The following RAB28 variants were observed in gnomAD, a reference collection of about 807,000 sequenced individuals.
RAB28 encodes RAB28, member RAS oncogene family.
RAB28 carries 24 observed loss-of-function variants against 31.7 expected under a neutral mutation model. The observed-to-expected ratio is 0.76, with a 90% CI of 0.55 to 1.06. The LOEUF (loss-of-function observed/expected upper bound fraction) is 1.06. Ranked by LOEUF, RAB28 falls within the 50% of genes least tolerant of loss-of-function variation. The pLI, the probability that RAB28 is intolerant of heterozygous loss-of-function variation, is 0.00. For missense variants in RAB28, 254 were observed against 258.5 expected (o/e 0.98, Z 0.12); for synonymous variants, 100 against 90.4 (o/e 1.11, Z -0.60).
intron 4 of RAB28, among the ~76,000 whole-genome samples, chr4:13,453,507 T>C (rs893384003): frequency 1.3e-5 from 2 of 152,134 alleles, no homozygotes; most frequent in Non-Finnish European, 2.9e-5. Flanking sequence ...GATGTAAGAG[T>C]ACCTTGAACA....
At chr4:13,449,557 C>T (rs192857995) in intron 4 of RAB28, among the ~76,000 whole-genome samples, 126 of 152,024 alleles carry the variant, frequency 8.3e-4, no homozygotes, top group African/African-American at 2.8e-3. Context: ...TAAAACATCA[C>T]TTCCTGGGCA....
intron 4 of RAB28, among the ~76,000 whole-genome samples, chr4:13,429,155 C>T (rs1244864340): frequency 6.6e-6 from 1 of 151,942 alleles, no homozygotes; most frequent in Non-Finnish European, 1.5e-5. Context: ...CCATGTTGGC[C>T]AGGCTGGTCT....
chr4:13,376,296 A>G (rs2108877988), intron 6 of RAB28, among the ~76,000 whole-genome samples: 1 of 152,296 alleles, frequency 6.6e-6, no homozygotes, highest in South Asian at 2.1e-4. Context: ...CCACTAATAA[A>G]AATTTTCTTA....
At chr4:13,406,309 T>C (rs1377140552) in intron 4 of RAB28, among the ~76,000 whole-genome samples, 1 of 152,212 alleles carries the variant, frequency 6.6e-6, no homozygotes, top group African/African-American at 2.4e-5. Flanking sequence ...GCTTCATCCA[T>C]GTCCCTGCAA....
chr4:13,394,658 G>A (rs1004975678), intron 4 of RAB28, among the ~76,000 whole-genome samples: 4 of 152,146 alleles, frequency 2.6e-5, no homozygotes, highest in African/African-American at 9.7e-5. Flanking sequence ...AAAAGACGGA[G>A]TACAATTGAG....
At chr4:13,394,982 G>C (rs1020411930) in intron 4 of RAB28, among the ~76,000 whole-genome samples, 3 of 152,032 alleles carry the variant, frequency 2.0e-5, no homozygotes, top group Non-Finnish European at 4.4e-5. Flanking sequence ...AAAAACTGAG[G>C]TTTAGAATGA....
chr4:13,378,736 C>G (rs1283700084), intron 5 of RAB28, among the ~76,000 whole-genome samples: 1 of 152,056 alleles, frequency 6.6e-6, no homozygotes, highest in Non-Finnish European at 1.5e-5. Flanking sequence ...ATAGTAACCA[C>G]AGAGAAGACA....
chr4:13,403,182 T>G (rs1197473459), intron 4 of RAB28, among the ~76,000 whole-genome samples: 1 of 152,198 alleles, frequency 6.6e-6, no homozygotes, highest in Non-Finnish European at 1.5e-5. Context: ...CAGATAAGTG[T>G]GGCTCTATTC....
At chr4:13,371,716 G>T in intron 6 of RAB28, 1 of 1,533,360 alleles carries the variant, frequency 6.5e-7, no homozygotes. Flanking sequence ...CTTCATGGTA[G>T]GTGGTTTCAC....
At chr4:13,417,811 T>C (rs926420016) in intron 4 of RAB28, among the ~76,000 whole-genome samples, 3 of 152,122 alleles carry the variant, frequency 2.0e-5, no homozygotes, top group Non-Finnish European at 2.9e-5. Context: ...GGAGAAAAGC[T>C]GAAAATTCTA....
chr4:13,407,598 C>T (rs987790833), intron 4 of RAB28, among the ~76,000 whole-genome samples: 4 of 152,086 alleles, frequency 2.6e-5, no homozygotes, highest in Admixed American at 6.6e-5. Context: ...TCACTTTGGG[C>T]GATATGGCCA....
At chr4:13,435,057 A>G (rs548243165) in intron 4 of RAB28, among the ~76,000 whole-genome samples, 1 of 151,586 alleles carries the variant, frequency 6.6e-6, no homozygotes, top group South Asian at 2.1e-4. Context: ...GAAAAAAGAA[A>G]ACAATACAAA....
intron 4 of RAB28, among the ~76,000 whole-genome samples, chr4:13,391,275 AT>A (rs1729616584): frequency 6.6e-6 from 1 of 152,220 alleles, no homozygotes. Flanking sequence ...AAAAGAAGAC[AT>A]TTATGCGGCC....
intron 4 of RAB28, among the ~76,000 whole-genome samples, chr4:13,416,273 T>C (rs1712774840): frequency 6.6e-6 from 1 of 152,190 alleles, no homozygotes; most frequent in Non-Finnish European, 1.5e-5. Context: ...ACTGCCTTTA[T>C]GAGCTGTAAC....
intron 4 of RAB28, among the ~76,000 whole-genome samples, chr4:13,437,724 A>C (rs968244387): frequency 3.9e-5 from 6 of 152,178 alleles, no homozygotes; most frequent in Non-Finnish European, 8.8e-5. Flanking sequence ...CTACAGAAAA[A>C]AGGAAATACT....
chr4:13,378,061 T>A (rs977992319), intron 5 of RAB28, among the ~76,000 whole-genome samples: 1 of 152,148 alleles, frequency 6.6e-6, no homozygotes, highest in African/African-American at 2.4e-5. Flanking sequence ...GGCAGTTGGA[T>A]ATAAGAGTCT....
chr4:13,394,518 G>T (rs1181093910), intron 4 of RAB28, among the ~76,000 whole-genome samples: 1 of 152,150 alleles, frequency 6.6e-6, no homozygotes, highest in Non-Finnish European at 1.5e-5. Flanking sequence ...CCATGTAACA[G>T]TAGCAGTCCA....
rs563578751 is a variant in RAB28 at position 13,484,129 on chromosome 4, T to A, written c.22A>T (p.Ser8Cys). The A allele has an allele frequency of 1.3e-4, 212 of 1,595,276 alleles. No individual in the cohort carries two copies. The highest frequency in any genetic ancestry group is 3.3e-4 in the Middle Eastern group (2 of 6,044). Reference protein sequence around the residue: MSDSEEESQDRQLKIVVL... With the variant: MSDSEEECQDRQLKIVVL... ...ACGATTTTCAGTTGCCGGTCCTGGC[T>A]CTCCTCCTCAGAGTCCGACATGGTG... Residue 8 changes from serine to cysteine, a missense_variant, in exon 1 of 7, where the codon AGC becomes TGC. Ser to Cys is a moderately radical substitution (Grantham distance 112, BLOSUM62 -1). Coordinates refer to ENST00000330852, the MANE Select transcript of RAB28 (RefSeq NM_001017979.3).
At chr4:13,438,559 T>C (rs1035440701) in intron 4 of RAB28, among the ~76,000 whole-genome samples, 3 of 152,200 alleles carry the variant, frequency 2.0e-5, no homozygotes, top group African/African-American at 7.2e-5. Context: ...GCTTCTTTTA[T>C]TTATAATAAT....
Sources: allele counts gnomAD v4.1 joint callset (sites outside exome capture counted in the v4.1 genomes callset), GRCh38; gene constraint gnomAD v4.1.1; transcripts MANE v1.5; gene names NCBI Gene and HGNC (gene_info 2026-07-23, HGNC 2026-07-21).